DYM: variants seen among roughly 807,000 people sequenced by gnomAD.
DYM encodes dyggve-Melchior-Clausen syndrome protein.
A neutral mutation model predicts 93.1 loss-of-function variants in DYM; 78 were observed. The ratio of observed to expected loss-of-function variants is 0.84; its 90% CI spans 0.70 to 1.01. The LOEUF (loss-of-function observed/expected upper bound fraction) is 1.01, where lower values mean the gene tolerates loss of function less well. DYM is among the 50% of genes least tolerant of loss of function. The pLI is 0.00. For missense variants in DYM, 789 were observed against 845.0 expected (o/e 0.93, Z 0.82); for synonymous variants, 321 against 319.7 (o/e 1.00, Z -0.04).
intron 17 of DYM, among the ~76,000 whole-genome samples, chr18:49,056,187 C>G (rs751276561): frequency 1.2e-4 from 18 of 152,230 alleles, no homozygotes; most frequent in Non-Finnish European, 2.4e-4. Context: ...CTCAGAGACT[C>G]AAGAGCCACC....
At chr18:49,088,257 C>G (rs923620712) in intron 17 of DYM, among the ~76,000 whole-genome samples, 5 of 152,048 alleles carry the variant, frequency 3.3e-5, no homozygotes, top group South Asian at 2.1e-4. Context: ...GGTCTAACAC[C>G]TAAGTCTTTA....
chr18:49,157,707 G>A (rs2086623253), intron 15 of DYM, among the ~76,000 whole-genome samples: 1 of 152,080 alleles, frequency 6.6e-6, no homozygotes, highest in African/African-American at 2.4e-5. Flanking sequence ...CTCCCATTCT[G>A]TAGATTGTCT....
intron 15 of DYM, among the ~76,000 whole-genome samples, chr18:49,129,000 A>C (rs2083110606): frequency 6.6e-6 from 1 of 152,144 alleles, no homozygotes. Context: ...TGGATTACAC[A>C]TTGACTTCAG....
chr18:49,312,593 A>C (rs914283463), intron 8 of DYM, among the ~76,000 whole-genome samples: 3 of 152,160 alleles, frequency 2.0e-5, no homozygotes, highest in Admixed American at 2.0e-4. Flanking sequence ...CCATTTTCAT[A>C]GCTCAATAAA....
chr18:49,142,292 T>C (rs2084605127), intron 15 of DYM, among the ~76,000 whole-genome samples: 1 of 152,200 alleles, frequency 6.6e-6, no homozygotes, highest in East Asian at 1.9e-4. Flanking sequence ...TTGTGTTTAT[T>C]TTCAGATGTA....
intron 14 of DYM, among the ~76,000 whole-genome samples, chr18:49,195,420 T>C (rs577070369): frequency 6.6e-6 from 1 of 152,330 alleles, no homozygotes; most frequent in East Asian, 1.9e-4. Context: ...AAATTCTCTC[T>C]TCTAGTTTTT....
In DYM at chr18:49,091,710, T is replaced by C. The variant is rs187564560; in HGVS notation, c.2025+5692A>G. On this transcript the variant is annotated intron_variant, in intron 17 of 17. Transcript: ENST00000675505. ...CTGATGATGCTATGAGGATCACACT[T>C]TGAAAAACAGTGATTTAATATTTAT... is the stretch of plus-strand genomic sequence containing the variant. 1.5e-4 allele frequency among the ~76,000 whole-genome samples: 23 copies of C among 152,200 alleles called. No individual in the cohort carries two copies. The East Asian group carries it at 3.7e-3, about 24-fold the overall frequency.
chr18:49,224,713 G>A (rs537175187), intron 13 of DYM, among the ~76,000 whole-genome samples: 21 of 152,144 alleles, frequency 1.4e-4, no homozygotes, highest in African/African-American at 4.6e-4. Flanking sequence ...ATCAGTCGGC[G>A]CCTTGATCTA....
At chr18:49,325,406 C>G (rs1010176025) in intron 8 of DYM, among the ~76,000 whole-genome samples, 7 of 152,208 alleles carry the variant, frequency 4.6e-5, no homozygotes, top group Non-Finnish European at 1.0e-4. Flanking sequence ...CTGCTCTCCA[C>G]ACAAGAATTA....
chr18:49,456,921 A>G (rs2083030802), intron 1 of DYM, among the ~76,000 whole-genome samples: 1 of 152,252 alleles, frequency 6.6e-6, no homozygotes. Context: ...CTTCACACCT[A>G]GAGACAGTAA....
chr18:49,350,137 T>A (rs1387694174), intron 6 of DYM, among the ~76,000 whole-genome samples: 3 of 152,144 alleles, frequency 2.0e-5, no homozygotes, highest in Non-Finnish European at 4.4e-5. Context: ...ATGTGCACAA[T>A]TAATGCCAAC....
intron 8 of DYM, among the ~76,000 whole-genome samples, chr18:49,290,368 A>T (rs1052717817): frequency 1.6e-4 from 23 of 144,444 alleles, no homozygotes; most frequent in Admixed American, 6.8e-5. Context: ...GTACATATTT[A>T]AAAAAAAAAC....
At chr18:49,404,640 C>A (rs536519976) in intron 2 of DYM, among the ~76,000 whole-genome samples, 1 of 152,084 alleles carries the variant, frequency 6.6e-6, no homozygotes, top group African/African-American at 2.4e-5. Context: ...CAAATCACTG[C>A]GGTTTTGATT....
chr18:49,220,589 G>C (rs1272096685), intron 13 of DYM, among the ~76,000 whole-genome samples: 1 of 151,700 alleles, frequency 6.6e-6, no homozygotes, highest in African/African-American at 2.4e-5. Context: ...AGAGCCCTCA[G>C]AAATAATGCC....
intron 2 of DYM, among the ~76,000 whole-genome samples, chr18:49,399,290 A>G (rs1470786534): frequency 6.6e-6 from 1 of 152,204 alleles, no homozygotes; most frequent in Non-Finnish European, 1.5e-5. Context: ...GCCAAGAGAC[A>G]TCAGGCAGGC....
intron 13 of DYM, among the ~76,000 whole-genome samples, chr18:49,233,466 A>T (rs2093770770): frequency 6.6e-6 from 1 of 152,138 alleles, no homozygotes; most frequent in Admixed American, 6.5e-5. Context: ...TTCAGGTATA[A>T]AATCTTTGTG....
At chr18:49,324,095 A>C (rs537035073) in intron 8 of DYM, among the ~76,000 whole-genome samples, 2 of 126,868 alleles carry the variant, frequency 1.6e-5, no homozygotes, top group Non-Finnish European at 1.6e-5. Flanking sequence ...ACATCATGTC[A>C]CTGCACTCCA....
intron 13 of DYM, among the ~76,000 whole-genome samples, chr18:49,241,736 G>A (rs2094016307): frequency 6.6e-6 from 1 of 152,160 alleles, no homozygotes; most frequent in Admixed American, 6.5e-5. Context: ...AAAAGGAGGG[G>A]AAATAAATGA....
At position 49,333,717 on chromosome 18, in the gene DYM, T is replaced by C. The variant is rs768527341; in HGVS notation, c.620+11A>G. On this transcript the variant is annotated intron_variant, in intron 7 of 17. Coordinates refer to ENST00000675505, the MANE Select transcript of DYM (RefSeq NM_001353214.3). ...ATGAAAAAACTAGACATACTTAAAGTAGAAACATACCATGGACCTCGCATC... is the reference window on the plus strand; with the variant it reads ...ATGAAAAAACTAGACATACTTAAAGCAGAAACATACCATGGACCTCGCATC... 6.2e-7 allele frequency: 1 copy of C among 1,613,368 alleles called. No homozygotes were observed. The highest frequency in any genetic ancestry group is 1.7e-5 in the Admixed American group (1 of 59,986).
Sources: gnomAD v4.1 joint callset for allele counts (sites outside exome capture counted in the v4.1 genomes callset) on GRCh38, gnomAD v4.1.1 for gene constraint, MANE v1.5 for transcripts, NCBI Gene and HGNC (gene_info 2026-07-23, HGNC 2026-07-21) for gene names.